NLRP2: variants seen among roughly 807,000 people sequenced by gnomAD.
NLRP2 encodes the protein NLR family pyrin domain containing 2.
A neutral mutation model predicts 97.2 loss-of-function variants in NLRP2; 107 were observed. The ratio of observed to expected loss-of-function variants is 1.10; its 90% CI spans 0.94 to 1.29. The LOEUF is 1.29. Among genes scored for constraint, NLRP2 ranks in the 50% most tolerant of loss-of-function variants. The pLI is 0.00. For synonymous variants in NLRP2, 663 were observed against 551.5 expected, an observed-to-expected ratio of 1.20 and a Z score of -2.83; for missense variants, 1,495 against 1,330.3, an observed-to-expected ratio of 1.12 and a Z score of -1.93.
At position 54,991,877 on chromosome 19, in the gene NLRP2, C is replaced by T. The variant is rs566698059; in HGVS notation, c.2708+1205C>T. Among the ~76,000 whole-genome samples, 13 of 147,292 alleles carry T rather than the reference C, an allele frequency of 8.8e-5. No homozygotes were observed. In the East Asian group the frequency reaches 2.6e-3, roughly 29 times the overall value. Reference sequence around the variant, plus strand: ...AAAAAAAAAAAAAATTGTATCTGCACTGATGGTTTCTGTTCAGAGATTCGA... The same window carrying T: ...AAAAAAAAAAAAAATTGTATCTGCATTGATGGTTTCTGTTCAGAGATTCGA... On this transcript the variant is annotated intron_variant, in intron 10 of 12. Coordinates refer to ENST00000448584, the MANE Select transcript of NLRP2 (RefSeq NM_017852.5).
chr19:54,998,611 C>CTTTTTTTTTTTTTTTTTTTTTT (rs375510249), intron 12 of NLRP2, among the ~76,000 whole-genome samples: 4 of 42,196 alleles, frequency 9.5e-5, no homozygotes, highest in Admixed American at 3.6e-4. Flanking sequence ...CATCTTTTTT[C>CTTTTTTTTTTTTTTTTTTTTTT]TTTTTTTTTT....
rs2072666374 is a variant in NLRP2 at position 54,994,211 on chromosome 19, TCA to T, written c.2709-55_2709-54del. ...CCACGGCTCAAGAGTCAAAGGTGCA[TCA>T]CAGCAGTGAGAACTCACAGGTTCGG... On this transcript the variant is annotated intron_variant, in intron 10 of 12. Transcript: ENST00000448584. 2.5e-6 allele frequency: 4 copies of T among 1,580,454 alleles called. No homozygotes were observed. In the African/African-American group the frequency reaches 4.0e-5, roughly 16 times the overall value.
rs562648922 is a variant in NLRP2, at chr19:54,974,431, T to C, written c.281-69T>C. The C allele has an allele frequency of 1.9e-5, 21 of 1,130,272 alleles. No individual in the cohort carries two copies. The African/African-American group carries it at 2.7e-4, about 15-fold the overall frequency. The allele number at this position is 1,130,272 out of a possible 1,614,324, so 70.0% of individuals were successfully genotyped here. A position where few individuals can be genotyped will look rare whatever the true frequency, so the allele number is the denominator to read the frequency against. ...ATCCAGTTCTAAGTGTCATCTTTTC[T>C]TTTATGAAGGCAATAAAATCTTGAG... is the stretch of plus-strand genomic sequence containing the variant. On this transcript the variant is annotated intron_variant, in intron 2 of 12. Coordinates refer to ENST00000448584, the MANE Select transcript of NLRP2 (RefSeq NM_017852.5).
At chr19:54,985,607 G>GGC (rs1419491838) in intron 7 of NLRP2, among the ~76,000 whole-genome samples, 1 of 151,166 alleles carries the variant, frequency 6.6e-6, no homozygotes, top group Non-Finnish European at 1.5e-5. Flanking sequence ...GAACCCAGGA[G>GGC]GCGGAGGTTG....
chr19:54,980,760 C>G (rs1568488616), intron 4 of NLRP2, among the ~76,000 whole-genome samples: 2 of 152,146 alleles, frequency 1.3e-5, no homozygotes, highest in East Asian at 1.9e-4. Context: ...TTTGTGAGCT[C>G]TGTGTGTGAT....
chr19:54,999,153 C>T (rs959438783), intron 12 of NLRP2, among the ~76,000 whole-genome samples: 9 of 152,032 alleles, frequency 5.9e-5, no homozygotes, highest in African/African-American at 2.2e-4. Flanking sequence ...CTGACCCCCC[C>T]ACCTCCCCGC....
intron 11 of NLRP2, among the ~76,000 whole-genome samples, chr19:54,995,585 A>G (rs1041519577): frequency 6.6e-6 from 1 of 151,898 alleles, no homozygotes; most frequent in Non-Finnish European, 1.5e-5. Flanking sequence ...ACTCCATCTC[A>G]GGAAAAAATA....
intron 7 of NLRP2, among the ~76,000 whole-genome samples, chr19:54,985,608 G>A (rs2072003833): frequency 6.6e-6 from 1 of 150,930 alleles, no homozygotes; most frequent in Non-Finnish European, 1.5e-5. Flanking sequence ...AACCCAGGAG[G>A]CGGAGGTTGC....
At chr19:54,995,834 G>A (rs1025702249) in intron 11 of NLRP2, among the ~76,000 whole-genome samples, 6 of 151,788 alleles carry the variant, frequency 4.0e-5, no homozygotes, top group East Asian at 1.9e-4. Flanking sequence ...TTGAGGCCAA[G>A]AATTTAAAAA....
chr19:54,981,368 T>G (rs1284155305), intron 4 of NLRP2, among the ~76,000 whole-genome samples: 1 of 151,818 alleles, frequency 6.6e-6, no homozygotes, highest in Non-Finnish European at 1.5e-5. Flanking sequence ...GGGGTTTCTG[T>G]GTTGGCCAGG....
intron 8 of NLRP2, 183 bp from the exon 9 acceptor site, chr19:54,989,839 C>T (rs1312380731): frequency 9.4e-6 from 6 of 640,960 alleles, no homozygotes; most frequent in Non-Finnish European, 1.6e-5. Flanking sequence ...ACAAAATTAG[C>T]TGGGCATGTT....
intron 4 of NLRP2, among the ~76,000 whole-genome samples, chr19:54,978,719 C>T (rs1289552247): frequency 1.3e-5 from 2 of 151,448 alleles, no homozygotes; most frequent in Non-Finnish European, 2.9e-5. Flanking sequence ...TGGTGGCACC[C>T]GCCTGTAGTC....
Position 54,986,165 on chromosome 19 carries a change from C to T in NLRP2, c.2216C>T (p.Ser739Phe). 6.2e-7 allele frequency: 1 copy of T among 1,612,928 alleles called. No homozygotes were observed. The change falls in exon 8 of 13, where the codon TCC becomes TTC. Residue 739 changes from serine to phenylalanine, a missense_variant. Coordinates refer to ENST00000448584, the MANE Select transcript of NLRP2 (RefSeq NM_017852.5). ...CTTTTCCCTAGGTTCAAAAACATTT[C>T]CCCAGCTGATGCTCATCGGAACCTC... ...HLQRVVFKNI[S>F]PADAHRNLCL...
chr19:54,981,748 T>G, intron 5 of NLRP2, 66 bp downstream of exon 5: 1 of 907,460 alleles, frequency 1.1e-6, no homozygotes, highest in Non-Finnish European at 1.9e-6. Context: ...TGAAGTCCTC[T>G]TAACTTTCCT....
chr19:54,990,835 G>C, intron 10 of NLRP2, 163 bp downstream of exon 10: 2 of 720,912 alleles, frequency 2.8e-6, no homozygotes, highest in Non-Finnish European at 5.0e-6. Flanking sequence ...TAGGAAAAAA[G>C]TATAAGTAGT....
chr19:54,998,939 G>A (rs12982996), intron 12 of NLRP2, among the ~76,000 whole-genome samples: 45,093 of 149,326 alleles, frequency 0.3, 7,193 homozygotes, highest in Middle Eastern at 0.43. Context: ...CAGAGAGCAC[G>A]GGGTTGGGGG....
At chr19:54,971,951 C>T (rs1189213400) in intron 2 of NLRP2, among the ~76,000 whole-genome samples, 1 of 151,810 alleles carries the variant, frequency 6.6e-6, no homozygotes, top group East Asian at 1.9e-4. Context: ...GCCTCAGCCT[C>T]CCGAGTAGCC....
At position 55,000,942 on chromosome 19, in the gene NLRP2, AG is replaced by A; in HGVS notation, c.*46del. 6.2e-7 allele frequency: 1 copy of A among 1,603,682 alleles called. No individual in the cohort carries two copies. Among genetic ancestry groups the A allele is most frequent in the Non-Finnish European group, 8.5e-7 (1 of 1,171,690 alleles). On this transcript the variant is annotated 3_prime_UTR_variant, in exon 13 of 13. Coordinates refer to ENST00000448584, the MANE Select transcript of NLRP2 (RefSeq NM_017852.5). ...TTCTCCATGAAGTCATCGATTTTCC[AG>A]GTGTTGGTGAACTGCCTGTGACTCC...
rs2072063348 is a variant in NLRP2 at position 54,986,165 on chromosome 19, C to A, written c.2216C>A (p.Ser739Tyr). 4 of 1,612,926 alleles carry A rather than the reference C, an allele frequency of 2.5e-6. No individual in the cohort carries two copies. Among genetic ancestry groups the A allele is most frequent in the Non-Finnish European group, 3.4e-6 (4 of 1,178,960 alleles). ...HLQRVVFKNI[S>Y]PADAHRNLCL... is the part of the protein sequence containing the mutation. Reference sequence around the variant, plus strand: ...CTTTTCCCTAGGTTCAAAAACATTTCCCCAGCTGATGCTCATCGGAACCTC... The same window carrying A: ...CTTTTCCCTAGGTTCAAAAACATTTACCCAGCTGATGCTCATCGGAACCTC... Residue 739 changes from serine (S) to tyrosine (Y), a missense_variant, in exon 8 of 13, where the codon TCC (serine) becomes TAC (tyrosine). Coordinates refer to ENST00000448584, the MANE Select transcript of NLRP2 (RefSeq NM_017852.5).
Sources: gnomAD v4.1 joint callset for allele counts (sites outside exome capture counted in the v4.1 genomes callset) on GRCh38, gnomAD v4.1.1 for gene constraint, MANE v1.5 for transcripts, NCBI Gene and HGNC (gene_info 2026-07-23, HGNC 2026-07-21) for gene names.